Variants in MACROD2 observed in about 807,000 individuals in gnomAD.
MACROD2 encodes the protein mono-ADP ribosylhydrolase 2.
MACROD2 carries 36 observed loss-of-function variants against 70.4 expected under a neutral mutation model. The observed-to-expected ratio is 0.51, with a 90% CI of 0.39 to 0.68. MACROD2 has a LOEUF of 0.68. Ranked by LOEUF, MACROD2 falls within the 30% of genes least tolerant of loss-of-function variation. The pLI, the probability that MACROD2 is intolerant of heterozygous loss-of-function variation, is 0.00. For synonymous variants in MACROD2, 172 were observed against 178.8 expected (o/e 0.96, Z 0.30); for missense variants, 496 against 538.4 (o/e 0.92, Z 0.78).
intron 3 of MACROD2, among the ~76,000 whole-genome samples, chr20:14,467,412 C>T (rs1429917134): frequency 3.3e-5 from 5 of 152,078 alleles, no homozygotes; most frequent in East Asian, 3.9e-4. Context: ...GGGAGTGATC[C>T]GATTTTCCAG....
At chr20:15,234,012 C>G (rs113791164) in intron 6 of MACROD2, among the ~76,000 whole-genome samples, 2 of 29,184 alleles carry the variant, frequency 6.9e-5, no homozygotes, top group South Asian at 3.4e-3. Flanking sequence ...TATATATATT[C>G]TTTTTTTTTT....
chr20:15,943,266 A>G (rs887199843), intron 12 of MACROD2, among the ~76,000 whole-genome samples: 2 of 152,154 alleles, frequency 1.3e-5, no homozygotes, highest in Admixed American at 6.5e-5. Context: ...TGCTCTGGAA[A>G]ACGGCATTGT....
chr20:14,321,383 A>C (rs1601471810), intron 3 of MACROD2, among the ~76,000 whole-genome samples: 1 of 152,006 alleles, frequency 6.6e-6, no homozygotes, highest in South Asian at 2.1e-4. Context: ...AAAGCCAGTC[A>C]GTAAAAGTCA....
At chr20:15,951,220 A>G (rs1418510677) in intron 12 of MACROD2, among the ~76,000 whole-genome samples, 1 of 151,852 alleles carries the variant, frequency 6.6e-6, no homozygotes, top group African/African-American at 2.4e-5. Context: ...GATTTTCACA[A>G]GCAGGAATGT....
At chr20:15,732,887 GT>G in intron 8 of MACROD2, among the ~76,000 whole-genome samples, 1 of 151,776 alleles carries the variant, frequency 6.6e-6, no homozygotes. Flanking sequence ...TTCCTTAAGT[GT>G]TTTGTAGAAT....
rs56191744 is a variant in MACROD2 at position 15,209,115 on chromosome 20, GTATT to G, written c.419-20795_419-20792del. Among the ~76,000 whole-genome samples, 496 of 147,176 alleles carry G rather than the reference GTATT, an allele frequency of 3.4e-3. 3 individuals carry two copies. The highest frequency in any genetic ancestry group is 7.5e-3 in the African/African-American group (299 of 39,928). ...GGTGGTGGTGGTGGTGGTGGTGGTG[GTATT>G]TATTTATTTATTTATTTATTTATTT... On this transcript the variant is annotated intron_variant, in intron 5 of 17. Coordinates refer to ENST00000684519, the MANE Select transcript of MACROD2 (RefSeq NM_001351661.2).
At chr20:16,001,209 G>T (rs1358403989) in intron 15 of MACROD2, among the ~76,000 whole-genome samples, 2 of 152,084 alleles carry the variant, frequency 1.3e-5, no homozygotes, top group East Asian at 1.9e-4. Flanking sequence ...AAAAGCAGGT[G>T]GTATAAGGAG....
intron 4 of MACROD2, among the ~76,000 whole-genome samples, chr20:14,650,343 A>G (rs1985616870): frequency 6.6e-6 from 1 of 152,060 alleles, no homozygotes; most frequent in Admixed American, 6.6e-5. Flanking sequence ...CTGACTTCTT[A>G]TTTTGTTCAG....
chr20:14,949,261 C>T (rs1183090719), intron 5 of MACROD2, among the ~76,000 whole-genome samples: 2 of 152,062 alleles, frequency 1.3e-5, no homozygotes, highest in African/African-American at 4.8e-5. Context: ...AAATAATCTT[C>T]GTATATCTAA....
At chr20:15,861,431 G>A (rs1199637563) in intron 8 of MACROD2, among the ~76,000 whole-genome samples, 1 of 152,168 alleles carries the variant, frequency 6.6e-6, no homozygotes, top group Non-Finnish European at 1.5e-5. Flanking sequence ...AGGCAGATAG[G>A]ACTGGACACC....
chr20:15,782,326 T>C (rs548741858), intron 8 of MACROD2, among the ~76,000 whole-genome samples: 2 of 152,276 alleles, frequency 1.3e-5, no homozygotes, highest in East Asian at 3.9e-4. Context: ...AAATACTTAC[T>C]ATTTTCTTCT....
intron 5 of MACROD2, chr20:15,196,953 C>T: frequency 1.0e-6 from 1 of 985,348 alleles, no homozygotes; most frequent in Non-Finnish European, 1.2e-6. Flanking sequence ...AATTGGAGCC[C>T]TTTGGGCCTC....
chr20:15,128,569 G>A (rs962189880), intron 5 of MACROD2, among the ~76,000 whole-genome samples: 1 of 152,006 alleles, frequency 6.6e-6, no homozygotes. Context: ...ACTTTCATCA[G>A]TTGATACAAT....
chr20:15,229,306 AATAG>A (rs2076939143), intron 5 of MACROD2, among the ~76,000 whole-genome samples: 1 of 152,258 alleles, frequency 6.6e-6, no homozygotes, highest in African/African-American at 2.4e-5. Flanking sequence ...AATACAATAA[AATAG>A]ATAATTAACT....
intron 10 of MACROD2, among the ~76,000 whole-genome samples, chr20:15,917,624 A>T (rs1199441492): frequency 6.6e-6 from 1 of 152,180 alleles, no homozygotes; most frequent in Non-Finnish European, 1.5e-5. Flanking sequence ...TGCCTCGTGA[A>T]TGACATTGAA....
chr20:15,293,684 C>T (rs2077561160), intron 6 of MACROD2, among the ~76,000 whole-genome samples: 1 of 152,190 alleles, frequency 6.6e-6, no homozygotes, highest in Non-Finnish European at 1.5e-5. Flanking sequence ...GTCTAAAGGA[C>T]ACCTTGTAGG....
chr20:15,136,877 C>T (rs1224031869), intron 5 of MACROD2, among the ~76,000 whole-genome samples: 3 of 145,632 alleles, frequency 2.1e-5, no homozygotes, highest in Non-Finnish European at 4.6e-5. Context: ...AAAAAAACAA[C>T]CCCATCAAAA....
At position 14,779,936 on chromosome 20, in the gene MACROD2, T is replaced by C. The variant is rs531550011; in HGVS notation, c.418+94977T>C. 1.2e-4 allele frequency among the ~76,000 whole-genome samples: 18 copies of C among 152,276 alleles called. 1 individual carries two copies. In the East Asian group the frequency reaches 3.5e-3, roughly 29 times the overall value. The stretch of plus-strand genomic sequence containing the variant: ...TAGTTTGTTGCTATGAGCCAGGCCC[T>C]GTGTTAAGCAATTAGAGGATCTAAG... On this transcript the variant is annotated intron_variant, in intron 5 of 17. Coordinates refer to ENST00000684519, the MANE Select transcript of MACROD2 (RefSeq NM_001351661.2).
intron 5 of MACROD2, among the ~76,000 whole-genome samples, chr20:15,101,550 C>CAAAAAAAAAAAAAAA (rs1555782811): frequency 6.0e-5 from 1 of 16,542 alleles, no homozygotes; most frequent in Non-Finnish European, 1.4e-4. Context: ...AAAAAAAAAG[C>CAAAAAAAAAAAAAAA]ATTCTGGAGT....
Sources: allele counts gnomAD v4.1 joint callset (sites outside exome capture counted in the v4.1 genomes callset), GRCh38; gene constraint gnomAD v4.1.1; transcripts MANE v1.5; gene names NCBI Gene and HGNC (gene_info 2026-07-23, HGNC 2026-07-21).